Variants in GFRA1 observed in about 807,000 individuals in gnomAD.
GFRA1 encodes GDNF family receptor alpha 1.
GFRA1 carries 16 observed loss-of-function variants against 51.6 expected under a neutral mutation model. That is an observed-to-expected ratio of 0.31 (90% confidence interval 0.21 to 0.47). The LOEUF is 0.47. GFRA1 is among the 20% of genes least tolerant of loss of function. The pLI is 1.00. For synonymous variants in GFRA1, 270 were observed against 241.3 expected (o/e 1.12, Z -1.10); for missense variants, 530 against 594.3 (o/e 0.89, Z 1.13).
chr10:116,161,307 CTA>C (rs1565618762), intron 5 of GFRA1, among the ~76,000 whole-genome samples: 3 of 152,166 alleles, frequency 2.0e-5, no homozygotes, highest in African/African-American at 7.2e-5. Flanking sequence ...ATTTGATGTG[CTA>C]TGTTTTTCCA....
intron 4 of GFRA1, among the ~76,000 whole-genome samples, chr10:116,240,080 G>A (rs1218058042): frequency 6.6e-6 from 1 of 152,042 alleles, no homozygotes; most frequent in Non-Finnish European, 1.5e-5. Context: ...TAAAAAAACG[G>A]AAATCATTGC....
intron 5 of GFRA1, among the ~76,000 whole-genome samples, chr10:116,194,485 T>A (rs969968097): frequency 3.3e-5 from 5 of 152,206 alleles, no homozygotes; most frequent in Non-Finnish European, 7.3e-5. Context: ...ATTTCTGGTA[T>A]AGATTTTGTC....
intron 4 of GFRA1, among the ~76,000 whole-genome samples, chr10:116,219,102 C>CG: frequency 6.6e-6 from 1 of 152,220 alleles, no homozygotes; most frequent in African/African-American, 2.4e-5. Context: ...TATAACCCAT[C>CG]GGCCTGCGCT....
At chr10:116,136,294 A>G (rs1958321702) in intron 5 of GFRA1, among the ~76,000 whole-genome samples, 1 of 152,250 alleles carries the variant, frequency 6.6e-6, no homozygotes, top group Non-Finnish European at 1.5e-5. Context: ...GATCTGCATG[A>G]TAATATAAAC....
At chr10:116,115,609 C>T (rs976948539) in intron 6 of GFRA1, among the ~76,000 whole-genome samples, 1 of 152,174 alleles carries the variant, frequency 6.6e-6, no homozygotes, top group Non-Finnish European at 1.5e-5. Context: ...GATTTCCCCA[C>T]GCGAAGATGA....
intron 4 of GFRA1, among the ~76,000 whole-genome samples, chr10:116,214,899 T>C (rs1248620408): frequency 6.6e-6 from 1 of 152,232 alleles, no homozygotes; most frequent in African/African-American, 2.4e-5. Context: ...CAGACAAATA[T>C]ACATGGAGTA....
chr10:116,161,349 G>A (rs1183071787), intron 5 of GFRA1, among the ~76,000 whole-genome samples: 18 of 152,084 alleles, frequency 1.2e-4, no homozygotes, highest in Admixed American at 1.2e-3. Context: ...CCCAAATATG[G>A]AGATTCTCAT....
rs116077220 is a variant in GFRA1, at chr10:116,078,680, T to C, written c.1197+11061A>G. 5.0e-3 allele frequency among the ~76,000 whole-genome samples: 756 copies of C among 152,012 alleles called. 5 individuals carry two copies. The highest frequency in any genetic ancestry group is 0.018 in the African/African-American group (728 of 41,324). On this transcript the variant is annotated intron_variant, in intron 9 of 10. Transcript: ENST00000355422. ...CGCTGGGTATAGCCAAGGTTAGATA[T>C]AGCCAAGGTTTGGATTTTTTTCTAT... is the stretch of plus-strand genomic sequence containing the variant.
At chr10:116,230,240 C>A (rs1000045750) in intron 4 of GFRA1, among the ~76,000 whole-genome samples, 5 of 152,208 alleles carry the variant, frequency 3.3e-5, no homozygotes, top group Non-Finnish European at 5.9e-5. Flanking sequence ...GTCTTAGTGG[C>A]TCCTCTATTC....
At chr10:116,201,617 C>G (rs1434124073) in intron 5 of GFRA1, among the ~76,000 whole-genome samples, 1 of 152,088 alleles carries the variant, frequency 6.6e-6, no homozygotes, top group African/African-American at 2.4e-5. Context: ...TTCAGGGGCA[C>G]CTATCTGTAA....
At chr10:116,142,982 G>A (rs2134099789) in intron 5 of GFRA1, among the ~76,000 whole-genome samples, 1 of 152,262 alleles carries the variant, frequency 6.6e-6, no homozygotes, top group East Asian at 1.9e-4. Flanking sequence ...TTGCAGTAAA[G>A]CACAGGTCCA....
chr10:116,125,073 C>A (rs966575159), intron 6 of GFRA1, 148 bp downstream of exon 6: 1 of 722,118 alleles, frequency 1.4e-6, no homozygotes, highest in South Asian at 1.6e-5. Context: ...ACACAGAGGT[C>A]AGATTTTTGC....
In GFRA1 at chr10:116,093,757, G is replaced by A. The variant is rs374370894; in HGVS notation, c.960C>T (p.Asn320=). The change falls in exon 8 of 11, where the codon AAC becomes AAT. Residue 320 remains asparagine, a synonymous_variant. Transcript: ENST00000355422. ...APWCDCSNSG[N]DLEECLKFLN... ...AAAATTTCAAGCACTCTTCTAGGTC[G>A]TTCCCACTGTTGCTGCAGTCACACC... The A allele has an allele frequency of 8.6e-5, 139 of 1,613,370 alleles. No individual in the cohort carries two copies. The African/African-American group carries it at 1.3e-3, about 15-fold the overall frequency.
At chr10:116,081,918 A>C (rs553137685) in intron 9 of GFRA1, among the ~76,000 whole-genome samples, 1 of 152,360 alleles carries the variant, frequency 6.6e-6, no homozygotes, top group African/African-American at 2.4e-5. Flanking sequence ...GCTTCAGATG[A>C]GTCTCAAAGG....
At chr10:116,206,319 G>C (rs967787852) in intron 5 of GFRA1, among the ~76,000 whole-genome samples, 11 of 152,078 alleles carry the variant, frequency 7.2e-5, no homozygotes, top group Admixed American at 4.6e-4. Flanking sequence ...ATAATAGATG[G>C]GTTTTCAGAA....
chr10:116,087,853 T>A (rs959187601), intron 9 of GFRA1, among the ~76,000 whole-genome samples: 2 of 152,158 alleles, frequency 1.3e-5, no homozygotes, highest in Admixed American at 1.3e-4. Flanking sequence ...GAACACATCA[T>A]TTCCCTGCTC....
rs928542262 is a variant in GFRA1 at position 116,057,116 on chromosome 10, T to C, written c.*7282A>G. ...GATGTTCTTCCAAGGGTGTTGGCAA[T>C]AAAGGCTGTTGCAAAACAGCTATGT... On this transcript the variant is annotated 3_prime_UTR_variant, in exon 11 of 11. Transcript: ENST00000355422. 6 of 152,116 alleles carry C rather than the reference T, an allele frequency of 3.9e-5. No homozygotes were observed. The highest frequency in any genetic ancestry group is 1.4e-4 in the African/African-American group (6 of 41,422). 9.4% of individuals were successfully genotyped at this position (152,116 alleles called of 1,614,324 possible).
intron 5 of GFRA1, among the ~76,000 whole-genome samples, chr10:116,189,716 T>C (rs79627678): frequency 0.028 from 4,209 of 152,358 alleles, 90 homozygotes; most frequent in South Asian, 0.046. Flanking sequence ...TTTTATTTAA[T>C]GCTTTGAGTT....
intron 5 of GFRA1, among the ~76,000 whole-genome samples, chr10:116,195,909 C>T (rs1295160436): frequency 6.6e-6 from 1 of 152,156 alleles, no homozygotes; most frequent in East Asian, 1.9e-4. Context: ...ATGTATGTTT[C>T]ATCAGCCAGA....
Sources: allele counts gnomAD v4.1 joint callset (sites outside exome capture counted in the v4.1 genomes callset), GRCh38; gene constraint gnomAD v4.1.1; transcripts MANE v1.5; gene names NCBI Gene and HGNC (gene_info 2026-07-23, HGNC 2026-07-21).